The following PIK3R5 variants were observed in gnomAD, a reference collection of about 807,000 sequenced individuals.
PIK3R5 encodes phosphoinositide 3-kinase regulatory subunit 5.
A neutral mutation model predicts 94.9 loss-of-function variants in PIK3R5; 32 were observed. That is an observed-to-expected ratio of 0.34 (90% CI 0.25 to 0.45). PIK3R5 has a LOEUF of 0.45. Among genes scored for constraint, PIK3R5 ranks in the 20% least tolerant of loss-of-function variants. The pLI is 1.00. For synonymous variants in PIK3R5, 443 were observed against 479.4 expected (o/e 0.92, Z 0.99); for missense variants, 853 against 1,144.6 (o/e 0.75, Z 3.68).
At position 8,880,845 on chromosome 17, in the gene PIK3R5, C is replaced by T. The variant is rs1300001983; in HGVS notation, c.2496-59G>A. ...AGGCCCCCATCCTTCCAGCTCCTTC[C>T]AGGCCTCTGGGTTGGTGGGAGCAGA... On this transcript the variant is annotated intron_variant, in intron 18 of 18. Coordinates refer to ENST00000447110, the MANE Select transcript of PIK3R5 (RefSeq NM_001142633.3). The T allele has an allele frequency of 8.1e-6, 13 of 1,613,370 alleles. No homozygotes were observed. The Admixed American group carries it at 1.5e-4, about 19-fold the overall frequency.
intron 1 of PIK3R5, among the ~76,000 whole-genome samples, chr17:8,941,459 C>A (rs1009671257): frequency 2.6e-5 from 4 of 152,110 alleles, no homozygotes; most frequent in Non-Finnish European, 5.9e-5. Flanking sequence ...CCTTAAAACA[C>A]CCTGATTCTG....
Position 8,886,470 on chromosome 17 carries a change from G to T in PIK3R5, c.2034+7C>A. On this transcript the variant is annotated splice_region_variant and intron_variant, in intron 13 of 18. Transcript: ENST00000447110. ...GGAAGAGGCGGTTCGGGGCAGGGAGGCCTTACCTCGGTCTGATAGACTTGC... is the reference window on the plus strand; with the variant it reads ...GGAAGAGGCGGTTCGGGGCAGGGAGTCCTTACCTCGGTCTGATAGACTTGC... 1.2e-6 allele frequency: 2 copies of T among 1,600,252 alleles called. No individual in the cohort carries two copies. The highest frequency in any genetic ancestry group is 1.7e-6 in the Non-Finnish European group (2 of 1,172,430).
At chr17:8,903,218 A>AT (rs947442448) in intron 5 of PIK3R5, among the ~76,000 whole-genome samples, 35 of 151,984 alleles carry the variant, frequency 2.3e-4, no homozygotes, top group African/African-American at 8.2e-4. Flanking sequence ...GAAATGACTG[A>AT]TTTTTTCATC....
Position 8,893,454 on chromosome 17 carries a change from G to A in PIK3R5, c.482+132C>T. 1 of 715,700 alleles carries A rather than the reference G, an allele frequency of 1.4e-6. No individual in the cohort carries two copies. Among genetic ancestry groups the A allele is most frequent in the Non-Finnish European group, 2.5e-6 (1 of 403,506 alleles). 44.3% of individuals were successfully genotyped at this position (715,700 alleles called of 1,614,324 possible). ...GGGGTTCCCAGTTCCCTGGAAGCCT[G>A]TTTGTTGCTGGCTGGGGTGGACAGG... On this transcript the variant is annotated intron_variant, in intron 6 of 18. Coordinates refer to ENST00000447110, the MANE Select transcript of PIK3R5 (RefSeq NM_001142633.3). This position sits in a 1 kb window ranked among gnomAD's most constrained non-coding sequence, Gnocchi z 5.1.
At chr17:8,915,421 A>T (rs951442019) in intron 1 of PIK3R5, among the ~76,000 whole-genome samples, 5 of 151,856 alleles carry the variant, frequency 3.3e-5, no homozygotes, top group African/African-American at 1.2e-4. Flanking sequence ...CTCAAAAAAA[A>T]AAAAAAAAGA....
rs146047228 is a variant in PIK3R5 at position 8,880,626 on chromosome 17, C to T, written c.*13G>A. 66 of 1,593,258 alleles carry T rather than the reference C, an allele frequency of 4.1e-5. 1 individual carries two copies. The South Asian group carries it at 4.6e-4, about 11-fold the overall frequency. Reference sequence around the variant, plus strand: ...GCCCCAGGGCTTCTGTCCAGTCTGGCGCTGGGCCCACACTAGGGCAGAGCT... The same window carrying T: ...GCCCCAGGGCTTCTGTCCAGTCTGGTGCTGGGCCCACACTAGGGCAGAGCT... On this transcript the variant is annotated 3_prime_UTR_variant, in exon 19 of 19. Transcript: ENST00000447110.
chr17:8,941,375 G>T (rs1265623011), intron 1 of PIK3R5, among the ~76,000 whole-genome samples: 1 of 151,982 alleles, frequency 6.6e-6, no homozygotes, highest in Non-Finnish European at 1.5e-5. Context: ...GAAGGAGAAA[G>T]AAAAAAAGGG....
Position 8,964,861 on chromosome 17 carries a change from T to G in PIK3R5, c.-14+735A>C, listed in dbSNP as rs752228592. ...CCCCTCCTCTCTACTCCGAGTCTTG[T>G]TAACTCGCTTTATACCACATCCTGC... On this transcript the variant is annotated intron_variant, in intron 1 of 18. Coordinates refer to ENST00000447110, the MANE Select transcript of PIK3R5 (RefSeq NM_001142633.3). Among the ~76,000 whole-genome samples the G allele has an allele frequency of 1.1e-4, 16 of 152,320 alleles. No individual in the cohort carries two copies. In the Middle Eastern group the frequency reaches 0.014, roughly 130 times the overall value.
In PIK3R5 at chr17:8,907,702, C is replaced by T. The variant is rs368138604; in HGVS notation, c.204+1372G>A. 7.2e-5 allele frequency among the ~76,000 whole-genome samples: 11 copies of T among 151,874 alleles called. 2 individuals carry two copies. The highest frequency in any genetic ancestry group is 3.9e-4 in the East Asian group (2 of 5,154). On this transcript the variant is annotated intron_variant, in intron 3 of 18. Transcript: ENST00000447110. ...TCGCACAGGCTGGAGTGCAGTGGCA[C>T]GATCTTGGCTCACTGCAGCCTTGAC... is the stretch of plus-strand genomic sequence containing the variant.
At position 8,889,986 on chromosome 17, in the gene PIK3R5, G is replaced by A; in HGVS notation, c.798C>T (p.Phe266=). The A allele has an allele frequency of 6.2e-7, 1 of 1,613,752 alleles. No individual in the cohort carries two copies. The highest frequency in any genetic ancestry group is 1.7e-5 in the Admixed American group (1 of 59,996). Residue 266 remains phenylalanine (F), a synonymous_variant, in exon 8 of 19, where the codon TTC becomes TTT. Coordinates refer to ENST00000447110, the MANE Select transcript of PIK3R5 (RefSeq NM_001142633.3). The surrounding 1 kb of genome is among the most constrained non-coding windows in gnomAD (Gnocchi z 4.1). The part of the protein sequence containing the change: ...KLQAVGEKAG[F]PGVLDTAKPG... ...CAAGAGCCTCACCTAACACCCCAGG[G>A]AAGCCAGCTTTTTCTCCCACCGCCT...
rs1433978335 is a variant in PIK3R5, at chr17:8,890,941, C to T, written c.483-29G>A. ...GGGACACAGGGGACCGGCTATGGCA[C>T]CCAGGGGTGCGCAGCATGCCACAGT... On this transcript the variant is annotated intron_variant, in intron 6 of 18. Coordinates refer to ENST00000447110, the MANE Select transcript of PIK3R5 (RefSeq NM_001142633.3). This position sits in a 1 kb window ranked among gnomAD's most constrained non-coding sequence, Gnocchi z 6.1. 5 of 1,605,642 alleles carry T rather than the reference C, an allele frequency of 3.1e-6. No homozygotes were observed. In the Admixed American group the frequency reaches 8.4e-5, roughly 27 times the overall value.
At chr17:8,940,022 ACAACCCC>A (rs1470500268) in intron 1 of PIK3R5, among the ~76,000 whole-genome samples, 3 of 152,334 alleles carry the variant, frequency 2.0e-5, no homozygotes, top group South Asian at 2.1e-4. Context: ...CCTTTTAAAA[ACAACCCC>A]CAGAGAGCTG....
Position 8,880,758 on chromosome 17 carries a change from C to T in PIK3R5, c.2524G>A (p.Glu842Lys). 1 of 1,613,846 alleles carries T rather than the reference C, an allele frequency of 6.2e-7. No homozygotes were observed. Among genetic ancestry groups the T allele is most frequent in the Non-Finnish European group, 8.5e-7 (1 of 1,179,830 alleles). Residue 842 changes from glutamate (E) to lysine (K), a missense_variant, in exon 19 of 19, where the codon GAG (glutamate) becomes AAG (lysine). This residue lies in a region of PIK3R5 where 91 missense variants were observed against 90.5 expected (regional missense o/e 1.01). Transcript: ENST00000447110. ...GGTGGTGAGGAGAGGTCGCTCTTCTCTGGCTTGTAGCACGGTGAGACCTCA... is the reference window on the plus strand; with the variant it reads ...GGTGGTGAGGAGAGGTCGCTCTTCTTTGGCTTGTAGCACGGTGAGACCTCA... Reference protein sequence around the residue: ...RCEVSPCYKPEKSDLSSPPQT... With the variant: ...RCEVSPCYKPKKSDLSSPPQT...
rs1181420924 is a variant in PIK3R5, at chr17:8,945,395, G to A, written c.-14+20201C>T. ...ACACCCTTCAGGGAATGAGAAACTG[G>A]TCCCAGGGCTGTATTCCCTCCACCT... On this transcript the variant is annotated intron_variant, in intron 1 of 18. Coordinates refer to ENST00000447110, the MANE Select transcript of PIK3R5 (RefSeq NM_001142633.3). The surrounding 1 kb of genome is among the most constrained non-coding windows in gnomAD (Gnocchi z 4.0). Among the ~76,000 whole-genome samples the A allele has an allele frequency of 1.3e-5, 2 of 152,038 alleles. No individual in the cohort carries two copies. The highest frequency in any genetic ancestry group is 2.9e-5 in the Non-Finnish European group (2 of 67,992).
In PIK3R5 at chr17:8,888,972, A is replaced by T; in HGVS notation, c.896-81T>A. 6.5e-7 allele frequency: 1 copy of T among 1,539,402 alleles called. No individual in the cohort carries two copies. Among genetic ancestry groups the T allele is most frequent in the Non-Finnish European group, 8.7e-7 (1 of 1,147,304 alleles). ...ATATTCCCTTTGGAGGGGAGACAGC[A>T]GGACTCAGGGCCAGCCCAGGACTCC... On this transcript the variant is annotated intron_variant, in intron 9 of 18. Coordinates refer to ENST00000447110, the MANE Select transcript of PIK3R5 (RefSeq NM_001142633.3). The surrounding 1 kb of genome is among the most constrained non-coding windows in gnomAD (Gnocchi z 7.8).
chr17:8,895,232 C>T (rs1047221032), intron 5 of PIK3R5, among the ~76,000 whole-genome samples: 3 of 152,176 alleles, frequency 2.0e-5, no homozygotes, highest in African/African-American at 7.2e-5. Flanking sequence ...TTCCCCATCT[C>T]CCTGACCATA....
intron 1 of PIK3R5, among the ~76,000 whole-genome samples, chr17:8,962,126 C>A (rs1372985632): frequency 6.6e-6 from 1 of 152,216 alleles, no homozygotes; most frequent in African/African-American, 2.4e-5. Context: ...CCAGCTCTGG[C>A]ACCACCTAAA....
rs570642800 is a variant in PIK3R5, at chr17:8,899,889, T to C, written c.412+4888A>G. Among the ~76,000 whole-genome samples, 9 of 152,106 alleles carry C rather than the reference T, an allele frequency of 5.9e-5. No individual in the cohort carries two copies. The South Asian group carries it at 1.9e-3, about 32-fold the overall frequency. ...CCCGTCTCTACTAAAAATACAAAAA[T>C]TAGCCAGGCATGGTGGTGCACGCCT... On this transcript the variant is annotated intron_variant, in intron 5 of 18. Coordinates refer to ENST00000447110, the MANE Select transcript of PIK3R5 (RefSeq NM_001142633.3).
intron 14 of PIK3R5, among the ~76,000 whole-genome samples, chr17:8,885,577 C>A (rs1360220041): frequency 8.5e-6 from 1 of 117,726 alleles, no homozygotes; most frequent in Non-Finnish European, 1.8e-5. Flanking sequence ...ACCTACCGGA[C>A]AACCCCGCCT....
Sources: gnomAD v4.1 joint callset for allele counts (sites outside exome capture counted in the v4.1 genomes callset) on GRCh38, gnomAD v4.1.1 for gene constraint, gnomAD v4.1.1 regional missense constraint, Gnocchi (gnomAD v3.1) non-coding constraint, MANE v1.5 for transcripts, NCBI Gene and HGNC (gene_info 2026-07-23, HGNC 2026-07-21) for gene names.